The following ALX4 variants were observed in gnomAD, a reference collection of about 807,000 sequenced individuals.
ALX4 encodes ALX homeobox 4, also known as homeobox protein aristaless-like 4.
A neutral mutation model predicts 40.6 loss-of-function variants in ALX4; 22 were observed. That is an observed-to-expected ratio of 0.54 (90% CI 0.39 to 0.77). ALX4 has a LOEUF of 0.77. ALX4 is among the 30% of genes least tolerant of loss of function. The probability of loss-of-function intolerance (pLI) is 0.00; values close to 1 mark genes in which losing one functional copy is unlikely to be tolerated. For synonymous variants in ALX4, 266 were observed against 240.5 expected (o/e 1.11, Z -0.98); for missense variants, 556 against 564.8 (o/e 0.98, Z 0.16).
chr11:44,281,917 G>T (rs1590694690), intron 1 of ALX4, among the ~76,000 whole-genome samples: 1 of 152,240 alleles, frequency 6.6e-6, no homozygotes, highest in Admixed American at 6.5e-5. Context: ...CTTCAGCAGA[G>T]GGTGGGGTGG....
At chr11:44,283,633 C>T (rs1168255934) in intron 1 of ALX4, among the ~76,000 whole-genome samples, 1 of 152,146 alleles carries the variant, frequency 6.6e-6, no homozygotes, top group African/African-American at 2.4e-5. Flanking sequence ...GGTTCGATCT[C>T]GGCTCACTGC....
chr11:44,289,141 C>T (rs572060420), intron 1 of ALX4, among the ~76,000 whole-genome samples: 3 of 152,270 alleles, frequency 2.0e-5, no homozygotes, highest in East Asian at 1.9e-4. Context: ...CAGAAAGGAG[C>T]GGTCAATTTT....
Position 44,284,697 on chromosome 11 carries a change from C to T in ALX4, c.467-9039G>A, listed in dbSNP as rs78380917. ...TGCTTCCGCTCTGCAGCGCACTGCACGAGTATCTTCAGGCTTCCGCACTCC... is the reference window on the plus strand; with the variant it reads ...TGCTTCCGCTCTGCAGCGCACTGCATGAGTATCTTCAGGCTTCCGCACTCC... On this transcript the variant is annotated intron_variant, in intron 1 of 3. Transcript: ENST00000652299. 4.0e-3 allele frequency among the ~76,000 whole-genome samples: 607 copies of T among 152,332 alleles called. 4 individuals carry two copies. The highest frequency in any genetic ancestry group is 0.014 in the African/African-American group (582 of 41,572).
Position 44,309,668 on chromosome 11 carries a change from G to T in ALX4, c.395C>A (p.Pro132His), listed in dbSNP as rs534395095. Residue 132 changes from proline to histidine, a missense_variant, in exon 1 of 4, where the codon CCC becomes CAC. By Grantham distance (77) the Pro-to-His change is moderately conservative. Coordinates refer to ENST00000652299, the MANE Select transcript of ALX4 (RefSeq NM_021926.4). The stretch of plus-strand genomic sequence containing the variant: ...CTGGAGTTTGAGGCTGCCGTCCGGG[G>T]GCGTCTTGCAGGCGCCTCGCTGCAA... The part of the protein sequence containing the change: ...LYLQRGACKT[P>H]PDGSLKLQEG... The T allele has an allele frequency of 1.9e-6, 3 of 1,592,504 alleles. No individual in the cohort carries two copies. The highest frequency in any genetic ancestry group is 2.7e-5 in the African/African-American group (2 of 74,128).
intron 2 of ALX4, among the ~76,000 whole-genome samples, chr11:44,270,472 T>C (rs1160530351): frequency 1.3e-5 from 2 of 152,048 alleles, no homozygotes; most frequent in South Asian, 2.1e-4. Flanking sequence ...AGACATGAGC[T>C]AGGTGAGCCT....
intron 1 of ALX4, among the ~76,000 whole-genome samples, chr11:44,297,009 C>CAA (rs60856634): frequency 3.5e-5 from 3 of 86,886 alleles, no homozygotes; most frequent in Non-Finnish European, 6.7e-5. Flanking sequence ...AACTCTGTCT[C>CAA]AAAAAAAAAA....
intron 2 of ALX4, among the ~76,000 whole-genome samples, chr11:44,273,817 G>A (rs1956262359): frequency 6.6e-6 from 1 of 152,184 alleles, no homozygotes; most frequent in South Asian, 2.1e-4. Flanking sequence ...CCCAGGCGTG[G>A]TGGTGTATGC....
chr11:44,265,147 CA>C lies in ALX4; in HGVS notation c.942del (p.Ala315ProfsTer36). On this transcript the variant is annotated frameshift_variant, in exon 4 of 4. Coordinates refer to ENST00000652299, the MANE Select transcript of ALX4 (RefSeq NM_021926.4). LOFTEE classifies it high-confidence loss of function. ...QNPSWLGNNG[A>X]ASPVPACVVP... is the part of the protein sequence containing the mutation. ...ACCACGCAGGCTGGCACTGGTGAGG[CA>C]GCCCCGTTGTTGCCGAGCCAGGACG... The C allele has an allele frequency of 6.2e-7, 1 of 1,606,818 alleles. No homozygotes were observed.
At chr11:44,298,291 G>T (rs960487921) in intron 1 of ALX4, among the ~76,000 whole-genome samples, 1 of 152,224 alleles carries the variant, frequency 6.6e-6, no homozygotes, top group African/African-American at 2.4e-5. Context: ...ATATGCCGGG[G>T]TGGGACGGGT....
At chr11:44,269,001 C>T (rs1181326489) in intron 2 of ALX4, among the ~76,000 whole-genome samples, 1 of 152,224 alleles carries the variant, frequency 6.6e-6, no homozygotes, top group African/African-American at 2.4e-5. Context: ...AGGTCCAGTC[C>T]CTGCTCTCCA....
intron 1 of ALX4, among the ~76,000 whole-genome samples, chr11:44,276,389 A>T (rs1369323186): frequency 1.3e-5 from 2 of 152,184 alleles, no homozygotes; most frequent in East Asian, 3.9e-4. Flanking sequence ...GGGCACCTTC[A>T]TCCCCAGCAC....
intron 1 of ALX4, among the ~76,000 whole-genome samples, chr11:44,309,180 T>A (rs61879129): frequency 7.2e-6 from 1 of 138,664 alleles, no homozygotes; most frequent in African/African-American, 2.6e-5. Flanking sequence ...CCCCGCAGCC[T>A]CGCAGCCCCG....
rs768874612 is a variant in ALX4 at position 44,260,560 on chromosome 11, G to T, written c.*4294C>A. 6.6e-6 allele frequency: 1 copy of T among 152,118 alleles called. No homozygotes were observed. The highest frequency in any genetic ancestry group is 6.5e-5 in the Admixed American group (1 of 15,278). The allele number at this position is 152,118 out of a possible 1,614,324, so 9.4% of individuals were successfully genotyped here. On this transcript the variant is annotated 3_prime_UTR_variant, in exon 4 of 4. Coordinates refer to ENST00000652299, the MANE Select transcript of ALX4 (RefSeq NM_021926.4). ...CTGCACTCCATTTTGCCCCATGCCT[G>T]GGCCCCTACATCTCCTTCCCATCCG...
rs938846289 is a variant in ALX4 at position 44,280,851 on chromosome 11, C to A, written c.467-5193G>T. ...TCAAGGTTGTATTCTCAATCGGGAGCCACTGAGCCCTTCAACCTCTGCTGG... is the reference window on the plus strand; with the variant it reads ...TCAAGGTTGTATTCTCAATCGGGAGACACTGAGCCCTTCAACCTCTGCTGG... On this transcript the variant is annotated intron_variant, in intron 1 of 3. Transcript: ENST00000652299. Among the ~76,000 whole-genome samples, 3 of 152,216 alleles carry A rather than the reference C, an allele frequency of 2.0e-5. 1 individual carries two copies. The highest frequency in any genetic ancestry group is 4.4e-5 in the Non-Finnish European group (3 of 68,024).
intron 1 of ALX4, among the ~76,000 whole-genome samples, chr11:44,280,714 C>T (rs955244916): frequency 2.0e-5 from 3 of 152,232 alleles, no homozygotes; most frequent in Admixed American, 1.3e-4. Context: ...GCCTGCTCCA[C>T]GGAGGGTGTT....
rs1326718377 is a variant in ALX4, at chr11:44,263,801, G to A, written c.*1053C>T. 1 of 152,374 alleles carries A rather than the reference G, an allele frequency of 6.6e-6. No individual in the cohort carries two copies. The highest frequency in any genetic ancestry group is 1.5e-5 in the Non-Finnish European group (1 of 68,130). 9.4% of individuals were successfully genotyped at this position (152,374 alleles called of 1,614,324 possible). A position where few individuals can be genotyped will look rare whatever the true frequency, so the allele number is the denominator to read the frequency against. Reference sequence around the variant, plus strand: ...CCGGCCCCCAAGCTCTAGCTTATGTGTTCCGAAGTTGTGAGTCCTTCCATG... The same window carrying A: ...CCGGCCCCCAAGCTCTAGCTTATGTATTCCGAAGTTGTGAGTCCTTCCATG... On this transcript the variant is annotated 3_prime_UTR_variant, in exon 4 of 4. Transcript: ENST00000652299.
In ALX4 at chr11:44,264,833, G is replaced by C; in HGVS notation, c.*21C>G. 1 of 1,610,312 alleles carries C rather than the reference G, an allele frequency of 6.2e-7. No homozygotes were observed. Among genetic ancestry groups the C allele is most frequent in the Non-Finnish European group, 8.5e-7 (1 of 1,178,392 alleles). ...CGTGGCCCATGGTGTCCCGAGGTGGGGACGGGGCAGGGGTGCCCTGTCATG... is the reference window on the plus strand; with the variant it reads ...CGTGGCCCATGGTGTCCCGAGGTGGCGACGGGGCAGGGGTGCCCTGTCATG... On this transcript the variant is annotated 3_prime_UTR_variant, in exon 4 of 4. Transcript: ENST00000652299.
chr11:44,266,979 A>G (rs1463250523), intron 3 of ALX4, among the ~76,000 whole-genome samples: 1 of 152,246 alleles, frequency 6.6e-6, no homozygotes, highest in Non-Finnish European at 1.5e-5. Flanking sequence ...AGCTGAGCAG[A>G]TGCTTTTACC....
At chr11:44,299,042 C>G (rs1956419908) in intron 1 of ALX4, among the ~76,000 whole-genome samples, 1 of 152,208 alleles carries the variant, frequency 6.6e-6, no homozygotes, top group Non-Finnish European at 1.5e-5. Flanking sequence ...GACAAAGCCT[C>G]CTGCGGTCTC....
Sources: gnomAD v4.1 joint callset for allele counts (sites outside exome capture counted in the v4.1 genomes callset) on GRCh38, gnomAD v4.1.1 for gene constraint, MANE v1.5 for transcripts, NCBI Gene and HGNC (gene_info 2026-07-23, HGNC 2026-07-21) for gene names.